Variants in EPSTI1 observed in about 807,000 individuals in gnomAD.
EPSTI1 encodes epithelial stromal interaction 1, also known as epithelial-stromal interaction protein 1.
EPSTI1 carries 66 observed loss-of-function variants against 49.9 expected under a neutral mutation model. The ratio of observed to expected loss-of-function variants is 1.32; its 90% CI spans 1.08 to 1.62. The LOEUF is 1.62. Among genes scored for constraint, EPSTI1 ranks in the 40% most tolerant of loss-of-function variants. The pLI, the probability that EPSTI1 is intolerant of heterozygous loss-of-function variation, is 0.00. For synonymous variants in EPSTI1, 137 were observed against 130.7 expected, an observed-to-expected ratio of 1.05 and a Z score of -0.33; for missense variants, 394 against 365.5, an observed-to-expected ratio of 1.08 and a Z score of -0.64.
At chr13:42,895,905 G>C (rs1160306364) in intron 9 of EPSTI1, among the ~76,000 whole-genome samples, 2 of 152,140 alleles carry the variant, frequency 1.3e-5, no homozygotes, top group African/African-American at 4.8e-5. Flanking sequence ...CTGGTGCATA[G>C]CAGCAAATAT....
chr13:42,955,498 T>C (rs914241696), intron 5 of EPSTI1, among the ~76,000 whole-genome samples: 1 of 152,172 alleles, frequency 6.6e-6, no homozygotes, highest in Non-Finnish European at 1.5e-5. Context: ...AGCTAAATTT[T>C]ATCCAACAAA....
intron 8 of EPSTI1, among the ~76,000 whole-genome samples, chr13:42,907,823 A>T (rs1427545826): frequency 6.6e-6 from 1 of 152,236 alleles, no homozygotes; most frequent in Non-Finnish European, 1.5e-5. Context: ...GAGTTTTAGC[A>T]TTCGGGAACA....
At chr13:42,893,305 A>G (rs567423365) in intron 10 of EPSTI1, among the ~76,000 whole-genome samples, 9 of 152,316 alleles carry the variant, frequency 5.9e-5, no homozygotes, top group African/African-American at 2.2e-4. Context: ...AGGAGAGAGT[A>G]TTATTAGAAC....
intron 1 of EPSTI1, among the ~76,000 whole-genome samples, chr13:42,988,013 T>C (rs1300154967): frequency 6.6e-6 from 1 of 152,212 alleles, no homozygotes; most frequent in Non-Finnish European, 1.5e-5. Context: ...TCAAGTTAAC[T>C]GTAAAATAAA....
intron 3 of EPSTI1, 140 bp downstream of exon 3, chr13:42,968,954 A>ACACACCCACACAC: frequency 1.9e-6 from 1 of 539,444 alleles, no homozygotes; most frequent in Non-Finnish European, 3.1e-6. Context: ...ACACACACAC[A>ACACACCCACACAC]ATTAAATGCA....
At chr13:42,973,434 T>C (rs754470893) in intron 1 of EPSTI1, among the ~76,000 whole-genome samples, 7 of 152,238 alleles carry the variant, frequency 4.6e-5, no homozygotes, top group Non-Finnish European at 8.8e-5. Context: ...TTCTCAGCAA[T>C]ATTTTATTGA....
intron 6 of EPSTI1, among the ~76,000 whole-genome samples, chr13:42,943,529 C>G (rs773057952): frequency 1.2e-4 from 19 of 152,180 alleles, no homozygotes; most frequent in Non-Finnish European, 2.4e-4. Context: ...AAATAATGTC[C>G]TATTAATGAG....
At chr13:42,967,567 C>T (rs188303690) in intron 3 of EPSTI1, among the ~76,000 whole-genome samples, 14 of 152,318 alleles carry the variant, frequency 9.2e-5, no homozygotes, top group African/African-American at 4.8e-5. Flanking sequence ...TCTAAAGGGA[C>T]TTGCCTATGA....
At chr13:42,991,773 T>C (rs552925767) in intron 1 of EPSTI1, among the ~76,000 whole-genome samples, 19 of 152,332 alleles carry the variant, frequency 1.2e-4, no homozygotes, top group Admixed American at 9.8e-4. Context: ...ACCGGGCTGG[T>C]TATTTACCAA....
intron 1 of EPSTI1, among the ~76,000 whole-genome samples, chr13:42,987,348 A>T (rs1228393879): frequency 1.3e-5 from 2 of 151,858 alleles, no homozygotes; most frequent in African/African-American, 4.8e-5. Flanking sequence ...ATTTGATGTC[A>T]GGAAAAAAAA....
chr13:42,961,324 C>A (rs2039442968), intron 5 of EPSTI1, among the ~76,000 whole-genome samples: 1 of 152,142 alleles, frequency 6.6e-6, no homozygotes, highest in South Asian at 2.1e-4. Context: ...CGGTTTCAAA[C>A]TGACAATGAT....
chr13:42,940,956 T>C (rs2038732935), intron 6 of EPSTI1, among the ~76,000 whole-genome samples: 1 of 152,230 alleles, frequency 6.6e-6, no homozygotes, highest in African/African-American at 2.4e-5. Context: ...AAACATTCTT[T>C]GTGAAATTAA....
chr13:42,961,584 A>G (rs532509441), intron 5 of EPSTI1, among the ~76,000 whole-genome samples: 1 of 152,306 alleles, frequency 6.6e-6, no homozygotes, highest in East Asian at 1.9e-4. Context: ...GAGCTGGTTG[A>G]CTTTCACACC....
Position 42,888,037 on chromosome 13 carries a change from C to A in EPSTI1, c.*457G>T, listed in dbSNP as rs1020248268. ...TAAATTTGTGTAAAAGAATATAAGA[C>A]CTTTTTCTTTTGTACATATTTGTAC... is the stretch of plus-strand genomic sequence containing the variant. On this transcript the variant is annotated 3_prime_UTR_variant, in exon 11 of 11. Transcript: ENST00000313624. The A allele has an allele frequency of 3.2e-5, 13 of 407,814 alleles. No individual in the cohort carries two copies. Among genetic ancestry groups the A allele is most frequent in the Non-Finnish European group, 5.2e-5 (12 of 232,542 alleles). 25.3% of individuals were successfully genotyped at this position (407,814 alleles called of 1,614,324 possible). A position where few individuals can be genotyped will look rare whatever the true frequency, so the allele number is the denominator to read the frequency against.
intron 8 of EPSTI1, among the ~76,000 whole-genome samples, chr13:42,905,050 A>G (rs2037460827): frequency 6.6e-6 from 1 of 152,182 alleles, no homozygotes; most frequent in South Asian, 2.1e-4. Flanking sequence ...GTGAGAGGCC[A>G]TTTCTGTTTT....
intron 6 of EPSTI1, among the ~76,000 whole-genome samples, chr13:42,931,262 G>A (rs1253030629): frequency 6.8e-6 from 1 of 147,210 alleles, no homozygotes; most frequent in Admixed American, 6.9e-5. Context: ...GCGGACTGCA[G>A]TGGCGCAATC....
At chr13:42,946,814 A>G (rs147750688) in intron 6 of EPSTI1, among the ~76,000 whole-genome samples, 1 of 152,342 alleles carries the variant, frequency 6.6e-6, no homozygotes, top group African/African-American at 2.4e-5. Flanking sequence ...AGAATCTCAT[A>G]GGAGAACAAA....
At chr13:42,925,807 C>T (rs1238693742) in intron 7 of EPSTI1, among the ~76,000 whole-genome samples, 2 of 152,190 alleles carry the variant, frequency 1.3e-5, no homozygotes, top group Non-Finnish European at 1.5e-5. Flanking sequence ...TGTCATTTCC[C>T]AAGAAGCATC....
chr13:42,908,613 A>G (rs2037570390), intron 8 of EPSTI1, among the ~76,000 whole-genome samples: 1 of 152,124 alleles, frequency 6.6e-6, no homozygotes, highest in Non-Finnish European at 1.5e-5. Context: ...AAATGAGATT[A>G]CATCAAACTA....
Sources: gnomAD v4.1 joint callset for allele counts (sites outside exome capture counted in the v4.1 genomes callset) on GRCh38, gnomAD v4.1.1 for gene constraint, MANE v1.5 for transcripts, NCBI Gene and HGNC (gene_info 2026-07-23, HGNC 2026-07-21) for gene names.